PRDM11: variants seen among roughly 807,000 people sequenced by gnomAD.
PRDM11 encodes PR/SET domain 11, also known as PR domain-containing protein 11.
Under a neutral mutation model 97.8 loss-of-function variants are expected in PRDM11, and 20 were observed. The ratio of observed to expected loss-of-function variants is 0.20; its 90% CI spans 0.14 to 0.30. PRDM11 has a LOEUF of 0.30. Ranked by LOEUF, PRDM11 falls within the 10% of genes least tolerant of loss-of-function variation. The pLI is 1.00. For synonymous variants in PRDM11, 599 were observed against 637.7 expected, an observed-to-expected ratio of 0.94 and a Z score of 0.91; for missense variants, 1,139 against 1,555.2, an observed-to-expected ratio of 0.73 and a Z score of 4.50.
chr11:45,112,572 C>G (rs1852206721), intron 1 of PRDM11, among the ~76,000 whole-genome samples: 1 of 152,180 alleles, frequency 6.6e-6, no homozygotes, highest in Non-Finnish European at 1.5e-5. Flanking sequence ...AAACGTGTTC[C>G]CTTTTCATGA....
In PRDM11 at chr11:45,231,472, C is replaced by G. The variant is rs1005254210; in HGVS notation, c.*3313C>G. 2.0e-5 allele frequency: 3 copies of G among 152,058 alleles called. No individual in the cohort carries two copies. Among genetic ancestry groups the G allele is most frequent in the Admixed American group, 2.0e-4 (3 of 15,252 alleles). The allele number at this position is 152,058 out of a possible 1,614,324, so 9.4% of individuals were successfully genotyped here. ...GACAAGACAGAGCCCTTTAACTCAG[C>G]CTCTGGCTTAGGAGTGATGACTACA... is the stretch of plus-strand genomic sequence containing the variant. On this transcript the variant is annotated 3_prime_UTR_variant, in exon 8 of 8. Coordinates refer to ENST00000683152, the MANE Select transcript of PRDM11 (RefSeq NM_001384648.1).
intron 4 of PRDM11, among the ~76,000 whole-genome samples, chr11:45,203,258 A>T (rs1853392758): frequency 6.6e-6 from 1 of 152,210 alleles, no homozygotes; most frequent in Non-Finnish European, 1.5e-5. Flanking sequence ...AAACTTATCA[A>T]GTTGTACCTT....
intron 1 of PRDM11, among the ~76,000 whole-genome samples, chr11:45,103,288 G>A (rs1311376911): frequency 6.6e-6 from 1 of 152,154 alleles, no homozygotes; most frequent in African/African-American, 2.4e-5. Context: ...GTCCTTTGGC[G>A]CCATCTGATG....
At position 45,219,456 on chromosome 11, in the gene PRDM11, C is replaced by A; in HGVS notation, c.555-114C>A. Reference sequence around the variant, plus strand: ...GCTGCTCTGCTGATGTTCACATGGGCCCACGTGCCTGTGGACTTCTAACCA... The same window carrying A: ...GCTGCTCTGCTGATGTTCACATGGGACCACGTGCCTGTGGACTTCTAACCA... On this transcript the variant is annotated intron_variant, in intron 5 of 7. Coordinates refer to ENST00000683152, the MANE Select transcript of PRDM11 (RefSeq NM_001384648.1). This position sits in a 1 kb window ranked among gnomAD's most constrained non-coding sequence, Gnocchi z 4.2. 1 of 1,030,640 alleles carries A rather than the reference C, an allele frequency of 9.7e-7. No homozygotes were observed. Among genetic ancestry groups the A allele is most frequent in the Non-Finnish European group, 1.4e-6 (1 of 710,398 alleles). 63.8% of individuals were successfully genotyped at this position (1,030,640 alleles called of 1,614,324 possible). A position where few individuals can be genotyped will look rare whatever the true frequency, so the allele number is the denominator to read the frequency against.
In PRDM11 at chr11:45,182,932, A is replaced by G; in HGVS notation, c.295A>G (p.Thr99Ala). 6.2e-7 allele frequency: 1 copy of G among 1,613,620 alleles called. No homozygotes were observed. Among genetic ancestry groups the G allele is most frequent in the South Asian group, 1.1e-5 (1 of 91,040 alleles). Reference sequence around the variant, plus strand: ...TGGCCCCCCGGTGTTTGTGTCTGACACACCGGTGCCCGTGGGCATCCCAGA... The same window carrying G: ...TGGCCCCCCGGTGTTTGTGTCTGACGCACCGGTGCCCGTGGGCATCCCAGA... ...NHGPPVFVSD[T>A]PVPVGIPDRA... The change falls in exon 4 of 8, where the codon ACA becomes GCA. Residue 99 changes from threonine to alanine, a missense_variant. Transcript: ENST00000683152.
At chr11:45,127,633 G>A (rs921338072) in intron 1 of PRDM11, among the ~76,000 whole-genome samples, 53 of 152,292 alleles carry the variant, frequency 3.5e-4, no homozygotes, top group Admixed American at 2.6e-3. Context: ...TATCAGCAGC[G>A]GTGGCTGCAG....
intron 4 of PRDM11, among the ~76,000 whole-genome samples, chr11:45,201,804 A>G (rs1201308235): frequency 1.6e-5 from 2 of 129,032 alleles, no homozygotes; most frequent in Non-Finnish European, 3.4e-5. Context: ...TGTCTCTACT[A>G]AAAAAAAACA....
At chr11:45,190,313 A>T (rs1852864296) in intron 4 of PRDM11, among the ~76,000 whole-genome samples, 2 of 151,872 alleles carry the variant, frequency 1.3e-5, no homozygotes, top group African/African-American at 4.8e-5. Context: ...TGTCTGGTTA[A>T]TTTTTTTGTA....
intron 1 of PRDM11, among the ~76,000 whole-genome samples, chr11:45,153,575 T>C (rs1851714612): frequency 6.6e-6 from 1 of 152,226 alleles, no homozygotes; most frequent in African/African-American, 2.4e-5. Flanking sequence ...TTGCTGGCGA[T>C]GGGACAGCAG....
chr11:45,115,547 T>G (rs1381095194), intron 1 of PRDM11, among the ~76,000 whole-genome samples: 2 of 152,158 alleles, frequency 1.3e-5, no homozygotes, highest in East Asian at 3.9e-4. Context: ...GAACCAATTG[T>G]GTTCTCTATA....
intron 1 of PRDM11, among the ~76,000 whole-genome samples, chr11:45,112,351 C>T (rs1163747990): frequency 1.3e-5 from 2 of 152,204 alleles, no homozygotes; most frequent in African/African-American, 4.8e-5. Flanking sequence ...TTGATGGGCA[C>T]TTAGGTTGGC....
In PRDM11 at chr11:45,213,216, A is replaced by G. The variant is rs889021827; in HGVS notation, c.555-6354A>G. The G allele has an allele frequency of 6.6e-6, 3 of 456,442 alleles. No homozygotes were observed. In the Admixed American group the frequency reaches 7.0e-5, roughly 11 times the overall value. 28.3% of individuals were successfully genotyped at this position (456,442 alleles called of 1,614,324 possible). ...TGCCCTGTGGTCTAACAGAGCATGT[A>G]TTCAGACCCGCACCCTCATCTTTGG... is the stretch of plus-strand genomic sequence containing the variant. On this transcript the variant is annotated intron_variant, in intron 5 of 7. Coordinates refer to ENST00000683152, the MANE Select transcript of PRDM11 (RefSeq NM_001384648.1).
At chr11:45,119,345 C>T (rs933290251) in intron 1 of PRDM11, among the ~76,000 whole-genome samples, 2 of 152,044 alleles carry the variant, frequency 1.3e-5, no homozygotes, top group Admixed American at 1.3e-4. Flanking sequence ...CCTGGTAAGG[C>T]GGCCGGGCGC....
intron 1 of PRDM11, among the ~76,000 whole-genome samples, chr11:45,176,251 C>T (rs1852325459): frequency 6.6e-6 from 1 of 152,016 alleles, no homozygotes; most frequent in Non-Finnish European, 1.5e-5. Context: ...GTGGCAGGTA[C>T]CTGTAATCCC....
At chr11:45,149,865 G>A (rs754839) in intron 1 of PRDM11, among the ~76,000 whole-genome samples, 67,168 of 152,170 alleles carry the variant, frequency 0.44, 17,688 homozygotes, top group Non-Finnish European at 0.58. Context: ...GCATAACTTA[G>A]CCTGTGCTGA....
At chr11:45,169,506 T>G (rs1852150126) in intron 1 of PRDM11, among the ~76,000 whole-genome samples, 1 of 152,266 alleles carries the variant, frequency 6.6e-6, no homozygotes, top group South Asian at 2.1e-4. Context: ...TTACACATGT[T>G]AATTCATTTA....
intron 1 of PRDM11, among the ~76,000 whole-genome samples, chr11:45,158,865 C>A (rs1050613997): frequency 1.3e-5 from 2 of 152,196 alleles, no homozygotes; most frequent in African/African-American, 4.8e-5. Context: ...TCAGCAAGAC[C>A]TCCTAATCAA....
At chr11:45,123,720 C>T (rs1420697454) in intron 1 of PRDM11, among the ~76,000 whole-genome samples, 2 of 149,940 alleles carry the variant, frequency 1.3e-5, no homozygotes, top group African/African-American at 2.4e-5. Flanking sequence ...GTTTTGGTAC[C>T]AGTACCATGC....
intron 4 of PRDM11, among the ~76,000 whole-genome samples, chr11:45,186,128 G>T (rs1203730234): frequency 6.6e-6 from 1 of 152,316 alleles, no homozygotes; most frequent in South Asian, 2.1e-4. Flanking sequence ...AGAACTATAA[G>T]GTAATACATG....
Sources: allele counts gnomAD v4.1 joint callset (sites outside exome capture counted in the v4.1 genomes callset), GRCh38; gene constraint gnomAD v4.1.1; non-coding constraint Gnocchi (gnomAD v3.1); transcripts MANE v1.5; gene names NCBI Gene and HGNC (gene_info 2026-07-23, HGNC 2026-07-21).